The following CADM2 variants were observed in gnomAD, a reference collection of about 807,000 sequenced individuals.
CADM2 encodes the protein immunoglobulin superfamily member 4D.
A neutral mutation model predicts 49.8 loss-of-function variants in CADM2; 12 were observed. The ratio of observed to expected loss-of-function variants is 0.24; its 90% confidence interval spans 0.15 to 0.39. CADM2 has a LOEUF of 0.39. Among genes scored for constraint, CADM2 ranks in the 10% least tolerant of loss-of-function variants. The pLI is 1.00. For synonymous variants in CADM2, 214 were observed against 175.4 expected (o/e 1.22, Z -1.74); for missense variants, 378 against 492.3 (o/e 0.77, Z 2.20).
chr3:85,248,426 C>A (rs1198189060), intron 1 of CADM2, among the ~76,000 whole-genome samples: 1 of 152,070 alleles, frequency 6.6e-6, no homozygotes, highest in Non-Finnish European at 1.5e-5. Context: ...AGATGCACGC[C>A]ACCAGGCCCA....
intron 1 of CADM2, among the ~76,000 whole-genome samples, chr3:85,239,115 TC>T (rs2042473023): frequency 6.6e-6 from 1 of 151,844 alleles, no homozygotes; most frequent in Admixed American, 6.6e-5. Flanking sequence ...TGGCCCTTTA[TC>T]ACTCAATGTC....
intron 1 of CADM2, among the ~76,000 whole-genome samples, chr3:85,472,142 A>G (rs1440419594): frequency 1.3e-5 from 2 of 151,942 alleles, no homozygotes; most frequent in Non-Finnish European, 2.9e-5. Flanking sequence ...TTAATTATAT[A>G]TTTGTACACC....
At chr3:85,608,561 A>G (rs1488947333) in intron 1 of CADM2, among the ~76,000 whole-genome samples, 1 of 152,188 alleles carries the variant, frequency 6.6e-6, no homozygotes, top group East Asian at 1.9e-4. Context: ...ACACAAGTGA[A>G]TGGCATTGTA....
At chr3:85,787,762 C>T (rs1376112207) in intron 2 of CADM2, among the ~76,000 whole-genome samples, 3 of 152,050 alleles carry the variant, frequency 2.0e-5, no homozygotes, top group South Asian at 4.1e-4. Flanking sequence ...AATGTCTTGC[C>T]GTTGTGTGTA....
At chr3:85,617,022 A>G (rs1307902846) in intron 1 of CADM2, among the ~76,000 whole-genome samples, 2 of 152,158 alleles carry the variant, frequency 1.3e-5, no homozygotes, top group Non-Finnish European at 2.9e-5. Flanking sequence ...GCAGTGATCA[A>G]CACAGAAGAT....
At chr3:85,984,580 A>C (rs950082687) in intron 8 of CADM2, among the ~76,000 whole-genome samples, 1 of 151,824 alleles carries the variant, frequency 6.6e-6, no homozygotes, top group Non-Finnish European at 1.5e-5. Flanking sequence ...AACAATTGAT[A>C]TTTGTTTTTA....
chr3:85,466,704 A>G (rs1405206482), intron 1 of CADM2, among the ~76,000 whole-genome samples: 1 of 152,206 alleles, frequency 6.6e-6, no homozygotes, highest in African/African-American at 2.4e-5. Context: ...TTTTGCCAAT[A>G]AAAATAAAAT....
intron 1 of CADM2, among the ~76,000 whole-genome samples, chr3:85,626,774 C>G (rs987690513): frequency 2.0e-5 from 3 of 151,944 alleles, no homozygotes; most frequent in African/African-American, 4.8e-5. Flanking sequence ...CCCACATTTT[C>G]CCCCCTTTCT....
At chr3:85,720,017 C>T (rs1447909991) in intron 1 of CADM2, among the ~76,000 whole-genome samples, 4 of 151,892 alleles carry the variant, frequency 2.6e-5, no homozygotes, top group Admixed American at 6.6e-5. Context: ...AATTTCCTAA[C>T]ACTATGAAGT....
intron 1 of CADM2, among the ~76,000 whole-genome samples, chr3:85,591,363 G>A (rs1055013209): frequency 2.4e-4 from 36 of 151,924 alleles, no homozygotes; most frequent in African/African-American, 8.2e-4. Flanking sequence ...TACTTGAGAT[G>A]CTAAAATAAT....
intron 1 of CADM2, among the ~76,000 whole-genome samples, chr3:85,282,126 A>G (rs2043514907): frequency 6.6e-6 from 1 of 151,982 alleles, no homozygotes; most frequent in Admixed American, 6.6e-5. Context: ...TAACTTATTT[A>G]GAATAAAATT....
chr3:85,080,854 T>C (rs2037135574), intron 1 of CADM2, among the ~76,000 whole-genome samples: 2 of 152,074 alleles, frequency 1.3e-5, no homozygotes, highest in African/African-American at 4.8e-5. Context: ...ACAACATTTA[T>C]GTTTCTAAAA....
At chr3:85,992,951 C>T (rs1280116706) in intron 8 of CADM2, 3 of 152,196 alleles carry the variant, frequency 2.0e-5, no homozygotes. Context: ...CACAGTAGAA[C>T]TGCTTTAAAA....
chr3:85,558,990 T>G (rs2062025538), intron 1 of CADM2, among the ~76,000 whole-genome samples: 1 of 152,102 alleles, frequency 6.6e-6, no homozygotes, highest in East Asian at 1.9e-4. Context: ...TACGTATGCA[T>G]TTGATTATAT....
chr3:85,234,861 A>G (rs369215764), intron 1 of CADM2, among the ~76,000 whole-genome samples: 47 of 152,276 alleles, frequency 3.1e-4, no homozygotes, highest in African/African-American at 1.1e-3. Context: ...TCTTCTGTAT[A>G]AACAAATGTA....
intron 1 of CADM2, among the ~76,000 whole-genome samples, chr3:85,712,317 G>A (rs1370176764): frequency 2.0e-5 from 3 of 152,158 alleles, no homozygotes; most frequent in Admixed American, 1.3e-4. Flanking sequence ...GCTTCCACAT[G>A]TGAAATACAG....
At chr3:85,949,431 G>GA (rs552213755) in intron 7 of CADM2, among the ~76,000 whole-genome samples, 1 of 150,996 alleles carries the variant, frequency 6.6e-6, no homozygotes, top group African/African-American at 2.4e-5. Context: ...AAATTTAGGG[G>GA]AAAAAATATG....
At chr3:85,415,373 C>A (rs2035870612) in intron 1 of CADM2, among the ~76,000 whole-genome samples, 1 of 150,638 alleles carries the variant, frequency 6.6e-6, no homozygotes, top group Admixed American at 6.6e-5. Context: ...TTTTAATATA[C>A]ACTCAAAGTG....
At chr3:85,648,649 G>A (rs1231434765) in intron 1 of CADM2, among the ~76,000 whole-genome samples, 3 of 151,956 alleles carry the variant, frequency 2.0e-5, no homozygotes, top group Admixed American at 6.6e-5. Context: ...TGCTGTTAAA[G>A]AAATTTTTGT....
Sources: gnomAD v4.1 joint callset for allele counts (sites outside exome capture counted in the v4.1 genomes callset) on GRCh38, gnomAD v4.1.1 for gene constraint, MANE v1.5 for transcripts, NCBI Gene and HGNC (gene_info 2026-07-23, HGNC 2026-07-21) for gene names.